Variants in IGF1R observed in about 807,000 individuals in gnomAD.
IGF1R encodes the protein insulin like growth factor 1 receptor, also known as insulin-like growth factor 1 receptor.
A neutral mutation model predicts 144.6 loss-of-function variants in IGF1R; 44 were observed. The observed-to-expected ratio is 0.30, with a 90% CI of 0.24 to 0.39. IGF1R has a LOEUF of 0.39. Among genes scored for constraint, IGF1R ranks in the 10% least tolerant of loss-of-function variants. The pLI, the probability that IGF1R is intolerant of heterozygous loss-of-function variation, is 1.00. For missense variants in IGF1R, 1,355 were observed against 1,833.7 expected (o/e 0.74, Z 4.77); for synonymous variants, 795 against 722.8 (o/e 1.10, Z -1.60).
At chr15:98,887,526 A>C (rs563452154) in intron 2 of IGF1R, among the ~76,000 whole-genome samples, 1 of 152,190 alleles carries the variant, frequency 6.6e-6, no homozygotes, top group East Asian at 1.9e-4. Flanking sequence ...GGATTCTGCA[A>C]GTAGATGTTG....
intron 15 of IGF1R, among the ~76,000 whole-genome samples, chr15:98,931,172 G>T (rs1470826744): frequency 6.6e-6 from 1 of 152,180 alleles, no homozygotes; most frequent in Non-Finnish European, 1.5e-5. Flanking sequence ...AATCACTGTG[G>T]AAAGGGCTGT....
Position 98,963,794 on chromosome 15 carries a change from A to G in IGF1R, c.*6352A>G, listed in dbSNP as rs2017320211. 1 of 233,062 alleles carries G rather than the reference A, an allele frequency of 4.3e-6. No individual in the cohort carries two copies. The highest frequency in any genetic ancestry group is 1.8e-4 in the South Asian group (1 of 5,524). 14.4% of individuals were successfully genotyped at this position (233,062 alleles called of 1,614,324 possible). A position where few individuals can be genotyped will look rare whatever the true frequency, so the allele number is the denominator to read the frequency against. On this transcript the variant is annotated 3_prime_UTR_variant, in exon 21 of 21. Transcript: ENST00000650285. ...CCGAAGATACGTATTTCCAATACAG[A>G]AAAGAATTTTTAATAAAAACTATAA...
intron 2 of IGF1R, among the ~76,000 whole-genome samples, chr15:98,799,914 C>T (rs951507873): frequency 3.3e-5 from 5 of 152,168 alleles, no homozygotes; most frequent in East Asian, 1.9e-4. Context: ...ATCAATTCAC[C>T]GGAAGACTGC....
At chr15:98,676,389 A>C (rs933964791) in intron 1 of IGF1R, among the ~76,000 whole-genome samples, 4 of 150,122 alleles carry the variant, frequency 2.7e-5, no homozygotes, top group Non-Finnish European at 4.4e-5. Flanking sequence ...GCCTGCCTCG[A>C]CCTCCCAAAG....
intron 2 of IGF1R, among the ~76,000 whole-genome samples, chr15:98,770,917 G>C (rs1016219316): frequency 5.3e-5 from 8 of 152,140 alleles, no homozygotes; most frequent in African/African-American, 1.9e-4. Context: ...CATTCTCAGA[G>C]ACTTCTGATC....
chr15:98,896,873 A>C lies in IGF1R; in HGVS notation c.1070A>C (p.Lys357Thr). The C allele has an allele frequency of 6.2e-7, 1 of 1,614,160 alleles. No homozygotes were observed. Among genetic ancestry groups the C allele is most frequent in the Non-Finnish European group, 8.5e-7 (1 of 1,179,998 alleles). Residue 357 changes from lysine (K) to threonine (T), a missense_variant, in exon 4 of 21, where the codon AAG becomes ACG. By Grantham distance (78) the Lys-to-Thr change is moderately conservative. Transcript: ENST00000650285. The part of the protein sequence containing the change: ...AQMLQGCTIF[K>T]GNLLINIRRG... Reference sequence around the variant, plus strand: ...ATGCTCCAAGGATGCACCATCTTCAAGGGCAATTTGCTCATTAACATCCGA... The same window carrying C: ...ATGCTCCAAGGATGCACCATCTTCACGGGCAATTTGCTCATTAACATCCGA...
At chr15:98,914,129 G>A (rs2015138008) in intron 8 of IGF1R, among the ~76,000 whole-genome samples, 2 of 152,160 alleles carry the variant, frequency 1.3e-5, no homozygotes, top group African/African-American at 4.8e-5. Context: ...GCAGGGATGC[G>A]GGAGCACTCT....
intron 2 of IGF1R, among the ~76,000 whole-genome samples, chr15:98,870,081 C>A (rs754505596): frequency 1.3e-5 from 2 of 152,160 alleles, no homozygotes; most frequent in Non-Finnish European, 2.9e-5. Flanking sequence ...AAAAGTAAGT[C>A]TTTTAAAAAC....
At chr15:98,673,579 C>T (rs1019213727) in intron 1 of IGF1R, among the ~76,000 whole-genome samples, 27 of 152,176 alleles carry the variant, frequency 1.8e-4, no homozygotes, top group Non-Finnish European at 1.5e-5. Context: ...TTTGAAAACA[C>T]CTGTGCTTGC....
At chr15:98,693,539 G>A (rs140010364) in intron 1 of IGF1R, among the ~76,000 whole-genome samples, 2 of 152,260 alleles carry the variant, frequency 1.3e-5, no homozygotes, top group African/African-American at 4.8e-5. Context: ...TGGGCACAGC[G>A]GCTTGCCTGC....
At chr15:98,695,508 C>T (rs866613327) in intron 1 of IGF1R, among the ~76,000 whole-genome samples, 1 of 152,132 alleles carries the variant, frequency 6.6e-6, no homozygotes, top group Non-Finnish European at 1.5e-5. Flanking sequence ...CAATTTAAGC[C>T]CCAGCTCTGC....
At chr15:98,879,476 G>C (rs1285428686) in intron 2 of IGF1R, among the ~76,000 whole-genome samples, 2 of 152,188 alleles carry the variant, frequency 1.3e-5, no homozygotes, top group East Asian at 3.9e-4. Flanking sequence ...TCCATCATTA[G>C]AGCACGTGTC....
chr15:98,795,293 A>C (rs896250363), intron 2 of IGF1R, among the ~76,000 whole-genome samples: 1 of 152,162 alleles, frequency 6.6e-6, no homozygotes, highest in African/African-American at 2.4e-5. Flanking sequence ...CTAGACTTAA[A>C]TTAAATTCAT....
At chr15:98,664,574 A>G (rs563293845) in intron 1 of IGF1R, among the ~76,000 whole-genome samples, 18 of 151,432 alleles carry the variant, frequency 1.2e-4, no homozygotes, top group Non-Finnish European at 2.5e-4. Flanking sequence ...CTGAGGCAGG[A>G]GAATCACTTG....
At chr15:98,830,127 G>A (rs1338249213) in intron 2 of IGF1R, among the ~76,000 whole-genome samples, 1 of 152,190 alleles carries the variant, frequency 6.6e-6, no homozygotes, top group Non-Finnish European at 1.5e-5. Flanking sequence ...GACCCTTCGA[G>A]ATCAGCTTAA....
chr15:98,691,402 C>T (rs1364560711), intron 1 of IGF1R, among the ~76,000 whole-genome samples: 1 of 147,414 alleles, frequency 6.8e-6, no homozygotes, highest in African/African-American at 2.5e-5. Context: ...TCTCACTCGT[C>T]TCCCAAGCTG....
At chr15:98,763,850 C>A (rs1180918717) in intron 2 of IGF1R, among the ~76,000 whole-genome samples, 1 of 152,208 alleles carries the variant, frequency 6.6e-6, no homozygotes, top group East Asian at 1.9e-4. Context: ...GGCTCTGCAG[C>A]TGCGATGTCA....
At chr15:98,682,143 TCA>T (rs1202919790) in intron 1 of IGF1R, among the ~76,000 whole-genome samples, 1 of 152,178 alleles carries the variant, frequency 6.6e-6, no homozygotes, top group East Asian at 1.9e-4. Context: ...CATTATTTGG[TCA>T]CAGGAAGTGT....
At chr15:98,819,933 C>G (rs572693230) in intron 2 of IGF1R, among the ~76,000 whole-genome samples, 70 of 152,260 alleles carry the variant, frequency 4.6e-4, no homozygotes, top group African/African-American at 1.6e-3. Flanking sequence ...CTGGAAACTT[C>G]CACGGCACAC....
Sources: gnomAD v4.1 joint callset for allele counts (sites outside exome capture counted in the v4.1 genomes callset) on GRCh38, gnomAD v4.1.1 for gene constraint, MANE v1.5 for transcripts, NCBI Gene and HGNC (gene_info 2026-07-23, HGNC 2026-07-21) for gene names.